LRRC75A: variants seen among roughly 807,000 people sequenced by gnomAD.
The protein encoded by LRRC75A is leucine-rich repeat-containing protein 75A.
In LRRC75A, 12 loss-of-function variants were observed where a neutral mutation model predicts 26.0. That is an observed-to-expected ratio of 0.46 (90% CI 0.30 to 0.75). The LOEUF (loss-of-function observed/expected upper bound fraction) is 0.75. Among genes scored for constraint, LRRC75A ranks in the 30% least tolerant of loss-of-function variants. LRRC75A has a pLI of 0.08. For synonymous variants in LRRC75A, 223 were observed against 219.3 expected (o/e 1.02, Z -0.15); for missense variants, 410 against 486.6 (o/e 0.84, Z 1.48).
At position 16,447,871 on chromosome 17, in the gene LRRC75A, C is replaced by T; in HGVS notation, c.465G>A (p.Gly155=). ...AGGCCTGTGGCTTCCTTTTCACCAG[C>T]CCCCGGTGCCGCCTCCACTGGGAGT... ...SPHSQWRRHR[G]LVKRKPQACL... The change falls in exon 3 of 4, where the codon GGG becomes GGA. Residue 155 remains glycine (G), a synonymous_variant. Coordinates refer to ENST00000470794, the MANE Select transcript of LRRC75A (RefSeq NM_001113567.3). The T allele has an allele frequency of 1.3e-6, 2 of 1,548,184 alleles. No individual in the cohort carries two copies. Among genetic ancestry groups the T allele is most frequent in the Non-Finnish European group, 8.7e-7 (1 of 1,145,732 alleles).
chr17:16,488,363 G>C (rs1017298231), intron 1 of LRRC75A, among the ~76,000 whole-genome samples: 3 of 152,226 alleles, frequency 2.0e-5, no homozygotes, highest in Non-Finnish European at 2.9e-5. Context: ...ACCCTGGCCA[G>C]GTAGATGGAA....
chr17:16,455,943 C>A (rs1043054869), intron 2 of LRRC75A, among the ~76,000 whole-genome samples: 5 of 152,240 alleles, frequency 3.3e-5, no homozygotes, highest in African/African-American at 4.8e-5. Flanking sequence ...TTTTTCCCAA[C>A]TCTTCCACTT....
At chr17:16,474,133 C>G (rs1436773403) in intron 1 of LRRC75A, among the ~76,000 whole-genome samples, 3 of 151,684 alleles carry the variant, frequency 2.0e-5, no homozygotes, top group Non-Finnish European at 4.4e-5. Context: ...TTTGTCTGCT[C>G]CTCCATGGTC....
chr17:16,450,584 C>T (rs528611024), intron 2 of LRRC75A, among the ~76,000 whole-genome samples: 56 of 152,348 alleles, frequency 3.7e-4, no homozygotes, highest in African/African-American at 1.3e-3. Flanking sequence ...TGAGCATCTG[C>T]CTTTACGGCT....
chr17:16,453,314 A>ACACACGCACACACG (rs1305203577), intron 2 of LRRC75A, among the ~76,000 whole-genome samples: 16 of 100,488 alleles, frequency 1.6e-4, no homozygotes, highest in South Asian at 3.1e-4. Context: ...ACACACACGC[A>ACACACGCACACACG]CACACGCACA....
intron 1 of LRRC75A, among the ~76,000 whole-genome samples, chr17:16,486,306 G>A (rs73980166): frequency 0.01 from 1,574 of 152,026 alleles, 27 homozygotes; most frequent in African/African-American, 0.037. Flanking sequence ...CAGAAAAAAG[G>A]ACCCCCCAAC....
At chr17:16,450,936 C>G (rs2093626247) in intron 2 of LRRC75A, among the ~76,000 whole-genome samples, 1 of 151,936 alleles carries the variant, frequency 6.6e-6, no homozygotes, top group South Asian at 2.1e-4. Flanking sequence ...GCAAGGGGCT[C>G]AAGACAAGAA....
chr17:16,486,066 T>C (rs1049598540), intron 1 of LRRC75A, among the ~76,000 whole-genome samples: 8 of 152,198 alleles, frequency 5.3e-5, no homozygotes, highest in African/African-American at 1.9e-4. Flanking sequence ...GGAGGAAGTG[T>C]GTGCCTGATG....
rs2093736330 is a variant in LRRC75A at position 16,462,576 on chromosome 17, G to T, written c.247-190C>A. ...TGTTTGTCTTTGCCTCCAAGTTGAG[G>T]AAGAGCAGGGACTGGCCTCTGCAGG... On this transcript the variant is annotated intron_variant, in intron 1 of 3. Coordinates refer to ENST00000470794, the MANE Select transcript of LRRC75A (RefSeq NM_001113567.3). The surrounding 1 kb of genome is among the most constrained non-coding windows in gnomAD (Gnocchi z 4.6). 6.6e-6 allele frequency among the ~76,000 whole-genome samples: 1 copy of T among 152,216 alleles called. No homozygotes were observed. Among genetic ancestry groups the T allele is most frequent in the Non-Finnish European group, 1.5e-5 (1 of 68,042 alleles).
chr17:16,451,570 C>T (rs560044851), intron 2 of LRRC75A, among the ~76,000 whole-genome samples: 9 of 149,904 alleles, frequency 6.0e-5, no homozygotes, highest in Admixed American at 1.3e-4. Flanking sequence ...TACAGTGAGC[C>T]GAGATCGCAC....
chr17:16,460,821 A>C (rs1295837596), intron 2 of LRRC75A: 1 of 152,260 alleles, frequency 6.6e-6, no homozygotes, highest in Non-Finnish European at 1.5e-5. Context: ...TTGCTGCTCT[A>C]GGAAAGGCAG....
At chr17:16,483,185 T>C (rs916099564) in intron 1 of LRRC75A, among the ~76,000 whole-genome samples, 1 of 152,154 alleles carries the variant, frequency 6.6e-6, no homozygotes, top group Admixed American at 6.5e-5. Context: ...CTCATTACCC[T>C]CCCCAGTGCT....
Position 16,444,050 on chromosome 17 carries a change from C to T in LRRC75A, c.573G>A (p.Glu191=). 1.9e-6 allele frequency: 3 copies of T among 1,613,430 alleles called. No individual in the cohort carries two copies. Among genetic ancestry groups the T allele is most frequent in the Non-Finnish European group, 2.5e-6 (3 of 1,179,726 alleles). Residue 191 remains glutamate (E), a synonymous_variant, in exon 4 of 4, where the codon GAG becomes GAA. Transcript: ENST00000470794. Reference sequence around the variant, plus strand: ...AGCGCTGTAGGTAGCTGGTCACCCGCTCCAGGTCTCGGGAGGTCAGTGGGA... The same window carrying T: ...AGCGCTGTAGGTAGCTGGTCACCCGTTCCAGGTCTCGGGAGGTCAGTGGGA... ...SGIPLTSRDL[E]RVTSYLQRCG...
At chr17:16,468,192 T>C (rs927877817) in intron 1 of LRRC75A, among the ~76,000 whole-genome samples, 2 of 152,184 alleles carry the variant, frequency 1.3e-5, no homozygotes, top group Admixed American at 1.3e-4. Context: ...TGCCATATGA[T>C]CCAGCAATTC....
At chr17:16,471,015 C>A (rs1381669717) in intron 1 of LRRC75A, among the ~76,000 whole-genome samples, 1 of 152,088 alleles carries the variant, frequency 6.6e-6, no homozygotes, top group Non-Finnish European at 1.5e-5. Flanking sequence ...TGGTGGCCCC[C>A]AAAAGACATG....
At chr17:16,485,681 T>TTC (rs1555893691) in intron 1 of LRRC75A, among the ~76,000 whole-genome samples, 4,362 of 135,082 alleles carry the variant, frequency 0.032, 154 homozygotes, top group African/African-American at 0.098. Flanking sequence ...CGTGTGTGTG[T>TTC]GTGTGTGTGT....
chr17:16,462,192 C>T lies in LRRC75A; in HGVS notation c.375+66G>A. The T allele has an allele frequency of 6.3e-7, 1 of 1,591,664 alleles. No individual in the cohort carries two copies. Among genetic ancestry groups the T allele is most frequent in the South Asian group, 1.1e-5 (1 of 87,806 alleles). ...CCAGTCCTCCTTGGGCATACAGCTG[C>T]TCTGCCCAGAAAGGCACCCACCGCA... is the stretch of plus-strand genomic sequence containing the variant. On this transcript the variant is annotated intron_variant, in intron 2 of 3. Transcript: ENST00000470794. The surrounding 1 kb of genome is among the most constrained non-coding windows in gnomAD (Gnocchi z 4.6).
intron 1 of LRRC75A, among the ~76,000 whole-genome samples, chr17:16,475,925 G>A (rs772350130): frequency 1.3e-5 from 2 of 151,998 alleles, no homozygotes; most frequent in African/African-American, 2.4e-5. Context: ...GGGCATGGTG[G>A]CTCATGCCTG....
intron 3 of LRRC75A, among the ~76,000 whole-genome samples, chr17:16,445,879 T>C (rs1048781827): frequency 6.6e-6 from 1 of 152,214 alleles, no homozygotes; most frequent in East Asian, 1.9e-4. Context: ...AACCAGTCAA[T>C]TGACAACAGT....
Sources: allele counts gnomAD v4.1 joint callset (sites outside exome capture counted in the v4.1 genomes callset), GRCh38; gene constraint gnomAD v4.1.1; non-coding constraint Gnocchi (gnomAD v3.1); transcripts MANE v1.5; gene names NCBI Gene and HGNC (gene_info 2026-07-23, HGNC 2026-07-21).